Variants in SLC2A13 observed in about 807,000 individuals in gnomAD.
SLC2A13 encodes proton myo-inositol cotransporter.
Under a neutral mutation model 64.4 loss-of-function variants are expected in SLC2A13, and 32 were observed. That is an observed-to-expected ratio of 0.50 (90% CI 0.37 to 0.67). The LOEUF (loss-of-function observed/expected upper bound fraction) is 0.67, where lower values mean the gene tolerates loss of function less well. SLC2A13 is among the 30% of genes least tolerant of loss of function. The probability of loss-of-function intolerance (pLI) is 0.00; values close to 1 mark genes in which losing one functional copy is unlikely to be tolerated. For synonymous variants in SLC2A13, 338 were observed against 327.1 expected, an observed-to-expected ratio of 1.03 and a Z score of -0.36; for missense variants, 743 against 829.2, an observed-to-expected ratio of 0.90 and a Z score of 1.28.
At chr12:39,906,559 C>T (rs1387913771) in intron 4 of SLC2A13, among the ~76,000 whole-genome samples, 1 of 151,906 alleles carries the variant, frequency 6.6e-6, no homozygotes, top group Non-Finnish European at 1.5e-5. Context: ...TGAAAGAAAC[C>T]ATTTTATTTC....
intron 2 of SLC2A13, among the ~76,000 whole-genome samples, chr12:40,037,969 T>G (rs1948018633): frequency 6.6e-6 from 1 of 152,224 alleles, no homozygotes; most frequent in South Asian, 2.1e-4. Flanking sequence ...TCAATTTGAT[T>G]AATCTTTTCA....
intron 3 of SLC2A13, among the ~76,000 whole-genome samples, chr12:39,959,279 A>G (rs896154586): frequency 2.0e-5 from 3 of 152,224 alleles, no homozygotes; most frequent in African/African-American, 7.2e-5. Context: ...GACTGCTGCT[A>G]TTGATGAATT....
chr12:39,996,936 A>G (rs1355154887), intron 3 of SLC2A13, among the ~76,000 whole-genome samples: 3 of 152,212 alleles, frequency 2.0e-5, no homozygotes, highest in East Asian at 1.9e-4. Flanking sequence ...GGTAGAATCA[A>G]TATTGTGATA....
intron 2 of SLC2A13, among the ~76,000 whole-genome samples, chr12:40,031,612 G>C (rs1392716215): frequency 6.6e-6 from 1 of 152,166 alleles, no homozygotes; most frequent in Non-Finnish European, 1.5e-5. Flanking sequence ...AGGCAGAGAG[G>C]ATGCTCGGAA....
intron 3 of SLC2A13, among the ~76,000 whole-genome samples, chr12:40,011,882 C>T (rs1947538074): frequency 1.3e-5 from 2 of 152,154 alleles, no homozygotes; most frequent in African/African-American, 4.8e-5. Flanking sequence ...GAGGATTAAA[C>T]CAAGGGCAGG....
chr12:39,941,490 T>C (rs569556600), intron 4 of SLC2A13, among the ~76,000 whole-genome samples: 2 of 152,300 alleles, frequency 1.3e-5, no homozygotes, highest in African/African-American at 4.8e-5. Flanking sequence ...TGGTATTGCA[T>C]TGTGGTTTTG....
At chr12:39,888,356 C>T (rs1258059275) in intron 4 of SLC2A13, among the ~76,000 whole-genome samples, 2 of 152,216 alleles carry the variant, frequency 1.3e-5, no homozygotes, top group African/African-American at 4.8e-5. Context: ...TCCCGAGCAG[C>T]TGGGACTACA....
chr12:39,832,060 A>G (rs936338142), intron 6 of SLC2A13, among the ~76,000 whole-genome samples: 1 of 152,110 alleles, frequency 6.6e-6, no homozygotes, highest in Non-Finnish European at 1.5e-5. Flanking sequence ...CTATTTTTGA[A>G]TGACACTTCA....
intron 1 of SLC2A13, among the ~76,000 whole-genome samples, chr12:40,077,956 C>A (rs903218605): frequency 1.3e-5 from 2 of 151,900 alleles, no homozygotes; most frequent in African/African-American, 4.8e-5. Flanking sequence ...TCGGCTTCAA[C>A]GTTATTGATG....
At chr12:39,793,352 A>C (rs1941470888) in intron 7 of SLC2A13, among the ~76,000 whole-genome samples, 1 of 152,144 alleles carries the variant, frequency 6.6e-6, no homozygotes, top group African/African-American at 2.4e-5. Context: ...AAATGCAGAG[A>C]TGTACCTTGT....
intron 3 of SLC2A13, among the ~76,000 whole-genome samples, chr12:39,979,008 C>T (rs867351467): frequency 0.015 from 2,244 of 150,302 alleles, 60 homozygotes; most frequent in African/African-American, 0.052. Flanking sequence ...CAAGTGGGTC[C>T]CTGACCCCTG....
intron 4 of SLC2A13, among the ~76,000 whole-genome samples, chr12:39,924,648 G>C (rs1213357775): frequency 2.6e-5 from 4 of 151,740 alleles, no homozygotes; most frequent in Non-Finnish European, 1.5e-5. Flanking sequence ...GTATTTGCTT[G>C]AATCACTGTT....
chr12:39,782,900 T>G (rs1160316902), intron 7 of SLC2A13, among the ~76,000 whole-genome samples: 1 of 152,170 alleles, frequency 6.6e-6, no homozygotes, highest in Non-Finnish European at 1.5e-5. Context: ...CTTTAAGTTC[T>G]AGGGTACATG....
chr12:40,006,089 A>G (rs973729178), intron 3 of SLC2A13, among the ~76,000 whole-genome samples: 1 of 148,780 alleles, frequency 6.7e-6, no homozygotes, highest in Non-Finnish European at 1.5e-5. Flanking sequence ...TTCCCACCAT[A>G]TGAGTATAAA....
rs540647901 is a variant in SLC2A13, at chr12:39,873,888, G to A, written c.1035-1927C>T. 3.8e-4 allele frequency among the ~76,000 whole-genome samples: 58 copies of A among 152,190 alleles called. 1 individual carries two copies. Among genetic ancestry groups the A allele is most frequent in the Middle Eastern group, 6.8e-3 (2 of 294 alleles). On this transcript the variant is annotated intron_variant, in intron 4 of 9. Transcript: ENST00000280871. Reference sequence around the variant, plus strand: ...AAACCTGCATTCTAATAGCACCTCCGTGTCTTCTGTCCAGGTTAGGTAACA... The same window carrying A: ...AAACCTGCATTCTAATAGCACCTCCATGTCTTCTGTCCAGGTTAGGTAACA...
chr12:39,917,343 A>G (rs1945538298), intron 4 of SLC2A13, among the ~76,000 whole-genome samples: 1 of 152,106 alleles, frequency 6.6e-6, no homozygotes, highest in Non-Finnish European at 1.5e-5. Context: ...GGGTATTTAG[A>G]ACCAAGACAA....
chr12:39,793,703 C>T lies in SLC2A13; in HGVS notation c.1446-28845G>A, dbSNP rs977926453. 3.3e-5 allele frequency among the ~76,000 whole-genome samples: 5 copies of T among 152,004 alleles called. No homozygotes were observed. The East Asian group carries it at 5.8e-4, about 18-fold the overall frequency. On this transcript the variant is annotated intron_variant, in intron 7 of 9. Coordinates refer to ENST00000280871, the MANE Select transcript of SLC2A13 (RefSeq NM_052885.4). ...GATTTTAGGCATTCCAAACAGAAAC[C>T]GAGTCTTGGCTCTGAACAATTCTCC...
chr12:39,871,841 A>C lies in SLC2A13; in HGVS notation c.1155T>G (p.Val385=). Residue 385 remains valine (V), a synonymous_variant, in exon 5 of 10, where the codon GTT becomes GTG. Coordinates refer to ENST00000280871, the MANE Select transcript of SLC2A13 (RefSeq NM_052885.4). ...TAAGCTTTCTGCGGCCCACCTTCTC[A>C]ACAAGCCAGACTCCCACAAGTGTGA... ...FIFTLVGVWL[V]EKVGRRKLTF... 6.2e-7 allele frequency: 1 copy of C among 1,612,764 alleles called. No individual in the cohort carries two copies.
intron 7 of SLC2A13, among the ~76,000 whole-genome samples, chr12:39,768,281 G>A (rs954913466): frequency 5.9e-5 from 9 of 152,200 alleles, no homozygotes; most frequent in Admixed American, 4.6e-4. Flanking sequence ...TGGTTTGATC[G>A]TCTATCCAGA....
Sources: gnomAD v4.1 joint callset for allele counts (sites outside exome capture counted in the v4.1 genomes callset) on GRCh38, gnomAD v4.1.1 for gene constraint, MANE v1.5 for transcripts, NCBI Gene and HGNC (gene_info 2026-07-23, HGNC 2026-07-21) for gene names.